SKI: variants seen among roughly 807,000 people sequenced by gnomAD.
SKI encodes SKI proto-oncogene.
A neutral mutation model predicts 59.3 loss-of-function variants in SKI; 23 were observed. The ratio of observed to expected loss-of-function variants is 0.39; its 90% confidence interval spans 0.28 to 0.55. SKI has a LOEUF of 0.55. Among genes scored for constraint, SKI ranks in the 20% least tolerant of loss-of-function variants. SKI has a pLI of 0.67. For synonymous variants in SKI, 673 were observed against 488.6 expected, an observed-to-expected ratio of 1.38 and a Z score of -4.98; for missense variants, 1,017 against 1,038.9, an observed-to-expected ratio of 0.98 and a Z score of 0.29.
rs56341331 is a variant in SKI at position 2,299,126 on chromosome 1, C to G, written c.970-3852C>G. On this transcript the variant is annotated intron_variant, in intron 1 of 6. Transcript: ENST00000378536. The stretch of plus-strand genomic sequence containing the variant: ...TGTTCAGAAGGTTCAAGGAAGCGAC[C>G]GTCAGCGCCGAGTGGCCAGCAGGGC... 4.1e-3 allele frequency among the ~76,000 whole-genome samples: 625 copies of G among 152,370 alleles called. 3 individuals are homozygous for G. Among genetic ancestry groups the G allele is most frequent in the Admixed American group, 9.1e-3 (139 of 15,308 alleles).
At chr1:2,243,524 G>A (rs565894037) in intron 1 of SKI, among the ~76,000 whole-genome samples, 7 of 152,330 alleles carry the variant, frequency 4.6e-5, no homozygotes, top group South Asian at 2.1e-4. Context: ...AGCTTTGCTC[G>A]TCCTGTTCTT....
At chr1:2,279,319 C>T (rs1429179931) in intron 1 of SKI, among the ~76,000 whole-genome samples, 2 of 152,254 alleles carry the variant, frequency 1.3e-5, no homozygotes, top group East Asian at 1.9e-4. Context: ...AGAGACCACC[C>T]TCTGATGACG....
intron 1 of SKI, among the ~76,000 whole-genome samples, chr1:2,300,644 CCTT>C (rs1244010864): frequency 2.6e-5 from 4 of 152,234 alleles, no homozygotes; most frequent in African/African-American, 9.6e-5. Flanking sequence ...GGCGCAGACA[CCTT>C]CTATTTTACA....
chr1:2,293,074 G>A (rs1235212836), intron 1 of SKI, among the ~76,000 whole-genome samples: 1 of 152,188 alleles, frequency 6.6e-6, no homozygotes, highest in Non-Finnish European at 1.5e-5. Context: ...GCAGGAACCC[G>A]GCAAATTTGT....
chr1:2,299,432 G>A (rs1167044648), intron 1 of SKI, among the ~76,000 whole-genome samples: 1 of 152,212 alleles, frequency 6.6e-6, no homozygotes, highest in African/African-American at 2.4e-5. Flanking sequence ...CAGCCTGTCT[G>A]GAGTGGCTCA....
intron 1 of SKI, among the ~76,000 whole-genome samples, chr1:2,273,480 T>A (rs1370866336): frequency 6.6e-6 from 1 of 152,070 alleles, no homozygotes; most frequent in Admixed American, 6.5e-5. Context: ...CTGCCATGCC[T>A]CATTCTGTCT....
In SKI at chr1:2,232,382, A is replaced by T. The variant is rs1260412727; in HGVS notation, c.969+2647A>T. On this transcript the variant is annotated intron_variant, in intron 1 of 6. Coordinates refer to ENST00000378536, the MANE Select transcript of SKI (RefSeq NM_003036.4). ...TGGGCTGGGTCAGCGCCACTCTCCT[A>T]CCCATGGTGGGAGGTGGGAGAGGGC... is the stretch of plus-strand genomic sequence containing the variant. The T allele has an allele frequency of 2.0e-5, 3 of 151,750 alleles. No individual in the cohort carries two copies. The East Asian group carries it at 5.8e-4, about 29-fold the overall frequency. 9.4% of individuals were successfully genotyped at this position (151,750 alleles called of 1,614,324 possible). A position where few individuals can be genotyped will look rare whatever the true frequency, so the allele number is the denominator to read the frequency against.
Position 2,306,153 on chromosome 1 carries a change from G to C in SKI, c.1901G>C (p.Arg634Pro). 1 of 1,593,824 alleles carries C rather than the reference G, an allele frequency of 6.3e-7. No individual in the cohort carries two copies. Among genetic ancestry groups the C allele is most frequent in the Non-Finnish European group, 8.5e-7 (1 of 1,171,404 alleles). ...AAGATGAAAGAGGCCAACGAGTCAC[G>C]GCTGCGCCTGAAGCGGGAGCTGGAG... Reference protein sequence around the residue: ...EKKMKEANESRLRLKRELEQA... With the variant: ...EKKMKEANESPLRLKRELEQA... Residue 634 changes from arginine to proline, a missense_variant, in exon 6 of 7, where the codon CGG (arginine) becomes CCG (proline). Coordinates refer to ENST00000378536, the MANE Select transcript of SKI (RefSeq NM_003036.4).
chr1:2,236,672 T>C (rs889011872), intron 1 of SKI, among the ~76,000 whole-genome samples: 1 of 152,208 alleles, frequency 6.6e-6, no homozygotes, highest in African/African-American at 2.4e-5. Flanking sequence ...CCCAAAGTGT[T>C]GGGATTACAG....
Position 2,228,975 on chromosome 1 carries a change from C to G in SKI, c.209C>G (p.Pro70Arg). 6.9e-7 allele frequency: 1 copy of G among 1,457,092 alleles called. No homozygotes were observed. The highest frequency in any genetic ancestry group is 9.0e-7 in the Non-Finnish European group (1 of 1,107,554). 90.3% of individuals were successfully genotyped at this position (1,457,092 alleles called of 1,614,324 possible). ...VPAPVPAATEPPPVLHLPAIQ... is the reference protein window; with the variant it reads ...VPAPVPAATERPPVLHLPAIQ... ...GCGCCGGTGCCCGCAGCCACCGAGC[C>G]GCCGCCCGTGCTGCACCTGCCCGCC... Residue 70 changes from proline (P) to arginine (R), a missense_variant, in exon 1 of 7, where the codon CCG (proline) becomes CGG (arginine). Transcript: ENST00000378536.
chr1:2,245,235 C>T (rs1211757255), intron 1 of SKI, among the ~76,000 whole-genome samples: 2 of 152,246 alleles, frequency 1.3e-5, no homozygotes, highest in African/African-American at 4.8e-5. Flanking sequence ...GTCCTCAAGG[C>T]GCAGCCATGC....
intron 1 of SKI, among the ~76,000 whole-genome samples, chr1:2,244,920 A>G (rs1638959375): frequency 6.6e-6 from 1 of 152,254 alleles, no homozygotes; most frequent in Non-Finnish European, 1.5e-5. Flanking sequence ...AACTATTACT[A>G]GAAACAGAAA....
chr1:2,238,390 C>G (rs139942751), intron 1 of SKI, among the ~76,000 whole-genome samples: 1,881 of 152,340 alleles, frequency 0.012, 22 homozygotes, highest in Middle Eastern at 0.02. Context: ...GGCGGCCCTG[C>G]GTGGACCTAC....
intron 6 of SKI, 115 bp downstream of exon 6, chr1:2,306,365 C>T: frequency 2.7e-6 from 3 of 1,119,820 alleles, no homozygotes; most frequent in East Asian, 2.6e-5. Flanking sequence ...AGGCCCGGGA[C>T]CACGTTCCGT....
chr1:2,288,990 G>A lies in SKI; in HGVS notation c.970-13988G>A, dbSNP rs12562527. On this transcript the variant is annotated intron_variant, in intron 1 of 6. Transcript: ENST00000378536. ...GCTCTTCCTGCAGGTCCCCGGTGCCGCCTGGTTTTCCCGAATCGCATGCAC... is the reference window on the plus strand; with the variant it reads ...GCTCTTCCTGCAGGTCCCCGGTGCCACCTGGTTTTCCCGAATCGCATGCAC... Among the ~76,000 whole-genome samples the A allele has an allele frequency of 4.5e-4, 68 of 152,318 alleles. 1 individual carries two copies. The East Asian group carries it at 8.3e-3, about 19-fold the overall frequency.
intron 1 of SKI, among the ~76,000 whole-genome samples, chr1:2,289,692 C>T (rs1039145323): frequency 1.3e-5 from 2 of 152,082 alleles, no homozygotes; most frequent in African/African-American, 4.8e-5. Flanking sequence ...CCGAGCCCAC[C>T]GTGTGCTTCT....
At chr1:2,279,602 G>C (rs1639827161) in intron 1 of SKI, among the ~76,000 whole-genome samples, 1 of 152,168 alleles carries the variant, frequency 6.6e-6, no homozygotes, top group Non-Finnish European at 1.5e-5. Flanking sequence ...AGAGCAGAGT[G>C]GGTGAGACGA....
intron 1 of SKI, among the ~76,000 whole-genome samples, chr1:2,230,473 C>T (rs771684104): frequency 2.6e-5 from 4 of 152,190 alleles, no homozygotes; most frequent in Non-Finnish European, 5.9e-5. Flanking sequence ...TCAGCAGGCT[C>T]CTGGGCCCGC....
intron 1 of SKI, among the ~76,000 whole-genome samples, chr1:2,290,826 A>G (rs756184493): frequency 3.3e-5 from 5 of 152,190 alleles, no homozygotes; most frequent in Non-Finnish European, 7.3e-5. Context: ...CTCTTACGAA[A>G]CACTCTTAAT....
Sources: gnomAD v4.1 joint callset for allele counts (sites outside exome capture counted in the v4.1 genomes callset) on GRCh38, gnomAD v4.1.1 for gene constraint, MANE v1.5 for transcripts, NCBI Gene and HGNC (gene_info 2026-07-23, HGNC 2026-07-21) for gene names.